Variants in WNK2 observed in about 807,000 individuals in gnomAD.
WNK2 encodes WNK lysine deficient protein kinase 2.
A neutral mutation model predicts 192.1 loss-of-function variants in WNK2; 67 were observed. That is an observed-to-expected ratio of 0.35 (90% confidence interval 0.29 to 0.43). The LOEUF (loss-of-function observed/expected upper bound fraction) is 0.43, where lower values mean the gene tolerates loss of function less well. WNK2 is among the 20% of genes least tolerant of loss of function. The pLI, the probability that WNK2 is intolerant of heterozygous loss-of-function variation, is 1.00. For missense variants in WNK2, 2,698 were observed against 3,089.7 expected, an observed-to-expected ratio of 0.87 and a Z score of 3.01; for synonymous variants, 1,439 against 1,393.9, an observed-to-expected ratio of 1.03 and a Z score of -0.72.
At position 93,298,015 on chromosome 9, in the gene WNK2, C is replaced by T; in HGVS notation, c.5871C>T (p.Gly1957=). 6.4e-7 allele frequency: 1 copy of T among 1,556,006 alleles called. No individual in the cohort carries two copies. Among genetic ancestry groups the T allele is most frequent in the Non-Finnish European group, 8.7e-7 (1 of 1,150,638 alleles). ...CCAGCAAGAGCAAGCTGAAGGCAGG[C>T]AAGCTGCTAAATCCCCTGGTGCGGC... ...RKTSKSKLKA[G]KLLNPLVRQL... is the part of the protein sequence containing the mutation. The change falls in exon 24 of 30, where the codon GGC becomes GGT. Residue 1957 remains glycine, a synonymous_variant. Transcript: ENST00000427277.
intron 29 of WNK2, chr9:93,319,013 C>T: frequency 6.6e-7 from 1 of 1,520,626 alleles, no homozygotes; most frequent in Non-Finnish European, 8.8e-7. Context: ...AATCTTCTGC[C>T]AGGGCACGAT....
chr9:93,242,571 A>G (rs1294635982), intron 7 of WNK2, among the ~76,000 whole-genome samples: 1 of 152,258 alleles, frequency 6.6e-6, no homozygotes, highest in Non-Finnish European at 1.5e-5. Context: ...TGCAAATAGC[A>G]AGTGCCGAGT....
intron 2 of WNK2, among the ~76,000 whole-genome samples, chr9:93,222,608 G>A (rs1772638575): frequency 1.3e-5 from 2 of 152,280 alleles, no homozygotes; most frequent in South Asian, 4.1e-4. Flanking sequence ...GGGCACATCA[G>A]CCTCCGTCTG....
chr9:93,278,389 G>A (rs975713936), intron 19 of WNK2, among the ~76,000 whole-genome samples: 1 of 152,222 alleles, frequency 6.6e-6, no homozygotes, highest in African/African-American at 2.4e-5. Flanking sequence ...AAGGATCAGA[G>A]GGAGTGGACC....
intron 13 of WNK2, 116 bp downstream of exon 13, chr9:93,262,223 CCACCCAGGTTCTGTTCT>C: frequency 3.1e-6 from 4 of 1,274,764 alleles, no homozygotes; most frequent in Non-Finnish European, 4.2e-6. Context: ...TCTGGGACAG[CCACCCAGGTTCTGTTCT>C]CACCTCTCCC....
intron 19 of WNK2, among the ~76,000 whole-genome samples, chr9:93,280,805 C>G (rs909729118): frequency 6.6e-6 from 1 of 152,162 alleles, no homozygotes; most frequent in African/African-American, 2.4e-5. Flanking sequence ...TTTTAAAGAA[C>G]CTGTTTTTTC....
intron 2 of WNK2, among the ~76,000 whole-genome samples, chr9:93,205,723 G>A (rs1180612251): frequency 1.3e-5 from 2 of 152,208 alleles, no homozygotes; most frequent in East Asian, 3.8e-4. Context: ...TGACACAGAC[G>A]AAGCTGGGGG....
At chr9:93,199,715 G>A (rs11791377) in intron 2 of WNK2, among the ~76,000 whole-genome samples, 28,845 of 151,706 alleles carry the variant, frequency 0.19, 3,058 homozygotes, top group African/African-American at 0.29. Flanking sequence ...TGGCTAACTC[G>A]GTGAAACCCC....
At chr9:93,289,923 G>T in intron 20 of WNK2, 55 bp from the exon 21 acceptor site, 2 of 1,504,020 alleles carry the variant, frequency 1.3e-6, no homozygotes. Context: ...TACAGCTGTT[G>T]AGATGCTGAC....
intron 19 of WNK2, among the ~76,000 whole-genome samples, chr9:93,286,307 A>G (rs1454178639): frequency 4.6e-5 from 7 of 152,214 alleles, no homozygotes; most frequent in African/African-American, 1.7e-4. Context: ...AAGAACCACA[A>G]ATTAAAAAGA....
chr9:93,248,997 A>G (rs938082398), intron 8 of WNK2, among the ~76,000 whole-genome samples: 9 of 152,262 alleles, frequency 5.9e-5, no homozygotes, highest in Non-Finnish European at 1.3e-4. Context: ...TAGGCTATTT[A>G]AATTCAAACA....
chr9:93,257,155 T>C lies in WNK2; in HGVS notation c.2382+16T>C. 6.3e-7 allele frequency: 1 copy of C among 1,599,198 alleles called. No individual in the cohort carries two copies. Among genetic ancestry groups the C allele is most frequent in the Admixed American group, 1.8e-5 (1 of 55,942 alleles). ...CCCTCCGCAGGTAATTCTAGGTTGA[T>C]GGCTGCCGTCAGTGGTGGCGCACGC... On this transcript the variant is annotated intron_variant, in intron 11 of 29. Coordinates refer to ENST00000427277, the MANE Select transcript of WNK2 (RefSeq NM_006648.4). This position sits in a 1 kb window ranked among gnomAD's most constrained non-coding sequence, Gnocchi z 4.7.
intron 25 of WNK2, among the ~76,000 whole-genome samples, chr9:93,299,512 G>A (rs1851220681): frequency 6.6e-6 from 1 of 152,216 alleles, no homozygotes; most frequent in African/African-American, 2.4e-5. Context: ...AGTGGACCTT[G>A]GGGAAGTGGC....
At chr9:93,285,773 C>A (rs1848362140) in intron 19 of WNK2, among the ~76,000 whole-genome samples, 1 of 152,202 alleles carries the variant, frequency 6.6e-6, no homozygotes, top group Admixed American at 6.5e-5. Context: ...ACCATTCTCC[C>A]AGATGTTGTG....
intron 19 of WNK2, among the ~76,000 whole-genome samples, chr9:93,272,768 C>A: frequency 7.7e-6 from 1 of 129,406 alleles, no homozygotes; most frequent in African/African-American, 3.3e-5. Context: ...TCAAATAACC[C>A]GGAAGAGGAA....
intron 29 of WNK2, 87 bp downstream of exon 29, chr9:93,317,718 G>T: frequency 6.6e-7 from 1 of 1,524,050 alleles, no homozygotes; most frequent in Non-Finnish European, 8.9e-7. Flanking sequence ...AGTGTCCTGG[G>T]GGCCCTGGGC....
chr9:93,267,091 A>T (rs924319958), intron 16 of WNK2: 11 of 152,320 alleles, frequency 7.2e-5, no homozygotes, highest in African/African-American at 2.2e-4. Context: ...CCTGGTCTGG[A>T]GGCTTCGTGG....
intron 19 of WNK2, among the ~76,000 whole-genome samples, chr9:93,274,130 CAG>C (rs1035150902): frequency 1.3e-4 from 20 of 152,202 alleles, no homozygotes; most frequent in Admixed American, 9.2e-4. Context: ...ACAAAAATCA[CAG>C]GCAAAAACCA....
intron 28 of WNK2, chr9:93,315,994 A>G (rs1259325170): frequency 6.6e-6 from 1 of 152,164 alleles, no homozygotes; most frequent in Non-Finnish European, 1.5e-5. Context: ...ATTTTGATGC[A>G]GAGGTAAATC....
Sources: allele counts gnomAD v4.1 joint callset (sites outside exome capture counted in the v4.1 genomes callset), GRCh38; gene constraint gnomAD v4.1.1; non-coding constraint Gnocchi (gnomAD v3.1); transcripts MANE v1.5; gene names NCBI Gene and HGNC (gene_info 2026-07-23, HGNC 2026-07-21).